The following SMCHD1 variants were observed in gnomAD, a reference collection of about 807,000 sequenced individuals.
SMCHD1 encodes the protein structural maintenance of chromosomes flexible hinge domain containing 1, also known as structural maintenance of chromosomes flexible hinge domain-containing protein 1.
SMCHD1 carries 78 observed loss-of-function variants against 254.7 expected under a neutral mutation model. The observed-to-expected ratio is 0.31, with a 90% CI of 0.26 to 0.37. SMCHD1 has a LOEUF of 0.37. Among genes scored for constraint, SMCHD1 ranks in the 10% least tolerant of loss-of-function variants. The probability of loss-of-function intolerance (pLI) is 1.00; values close to 1 mark genes in which losing one functional copy is unlikely to be tolerated. For synonymous variants in SMCHD1, 766 were observed against 794.9 expected (o/e 0.96, Z 0.61); for missense variants, 1,840 against 2,408.1 (o/e 0.76, Z 4.94).
chr18:2,673,013 T>A, intron 3 of SMCHD1: 1 of 947,108 alleles, frequency 1.1e-6, no homozygotes, highest in South Asian at 4.9e-5. Flanking sequence ...ATGTCTGTCT[T>A]TAGATTATAA....
intron 29 of SMCHD1, 148 bp from the exon 30 acceptor site, chr18:2,747,374 G>T (rs989030561): frequency 3.3e-6 from 2 of 609,582 alleles, no homozygotes; most frequent in Middle Eastern, 5.0e-4. Flanking sequence ...AATTTAGTTG[G>T]CTTTCAAAAG....
intron 45 of SMCHD1, among the ~76,000 whole-genome samples, chr18:2,792,544 G>C (rs2076185088): frequency 6.6e-6 from 1 of 152,120 alleles, no homozygotes; most frequent in African/African-American, 2.4e-5. Flanking sequence ...ATCCACTGGG[G>C]GTCTTGGAAC....
chr18:2,667,245 T>C (rs2073465551), intron 3 of SMCHD1, among the ~76,000 whole-genome samples: 3 of 152,190 alleles, frequency 2.0e-5, no homozygotes, highest in Admixed American at 1.3e-4. Context: ...GCTAACCTAC[T>C]AGTAGAACTT....
chr18:2,754,664 T>A (rs2075638353), intron 34 of SMCHD1, among the ~76,000 whole-genome samples: 1 of 152,142 alleles, frequency 6.6e-6, no homozygotes, highest in Admixed American at 6.5e-5. Flanking sequence ...GTGCAGTGGT[T>A]TAGGCAATGT....
chr18:2,766,056 C>T (rs765327800), intron 37 of SMCHD1, among the ~76,000 whole-genome samples: 12 of 149,724 alleles, frequency 8.0e-5, no homozygotes, highest in Non-Finnish European at 1.5e-4. Context: ...TGCAGTGGCG[C>T]GATTGCCCCT....
chr18:2,756,100 A>G (rs2075673299), intron 34 of SMCHD1, among the ~76,000 whole-genome samples: 1 of 152,152 alleles, frequency 6.6e-6, no homozygotes, highest in Non-Finnish European at 1.5e-5. Context: ...GCACTATGTG[A>G]TATTTTTCCT....
chr18:2,748,365 T>G (rs2075500472), intron 30 of SMCHD1, among the ~76,000 whole-genome samples: 4 of 35,238 alleles, frequency 1.1e-4, no homozygotes, highest in Admixed American at 3.7e-4. Context: ...TGTGTGTGTG[T>G]GTGTGTGTGT....
chr18:2,779,901 G>C (rs2076126172), intron 44 of SMCHD1, among the ~76,000 whole-genome samples: 4 of 152,156 alleles, frequency 2.6e-5, no homozygotes, highest in Admixed American at 2.6e-4. Context: ...GGCAGAGCTA[G>C]AACTAAACTG....
intron 3 of SMCHD1, among the ~76,000 whole-genome samples, chr18:2,670,708 C>A (rs2073569419): frequency 6.6e-6 from 1 of 151,954 alleles, no homozygotes; most frequent in Non-Finnish European, 1.5e-5. Flanking sequence ...CGAGACCATC[C>A]TGGCCAACAT....
chr18:2,667,012 T>C lies in SMCHD1; in HGVS notation c.405T>C (p.Ser135=). 1 of 1,588,574 alleles carries C rather than the reference T, an allele frequency of 6.3e-7. No individual in the cohort carries two copies. The highest frequency in any genetic ancestry group is 8.6e-7 in the Non-Finnish European group (1 of 1,165,546). ...GTGGCATGTATGAATATTATGCCAGTGAAGGACAAAATCCTTTGCGTAAGT... is the reference window on the plus strand; with the variant it reads ...GTGGCATGTATGAATATTATGCCAGCGAAGGACAAAATCCTTTGCGTAAGT... ...VKSGMYEYYA[S]EGQNPLPFAL... The change falls in exon 3 of 48, where the codon AGT becomes AGC. Residue 135 remains serine (S), a synonymous_variant. Transcript: ENST00000320876.
intron 25 of SMCHD1, among the ~76,000 whole-genome samples, chr18:2,733,391 A>G (rs544274617): frequency 5.3e-5 from 8 of 152,350 alleles, no homozygotes; most frequent in Non-Finnish European, 1.0e-4. Context: ...CATAAATACT[A>G]TAATAATATG....
At chr18:2,792,849 G>A (rs2076190667) in intron 45 of SMCHD1, among the ~76,000 whole-genome samples, 1 of 152,060 alleles carries the variant, frequency 6.6e-6, no homozygotes, top group African/African-American at 2.4e-5. Flanking sequence ...TTTGTTATGG[G>A]AATAGAGCAG....
chr18:2,728,998 C>T (rs2075083032), intron 23 of SMCHD1, among the ~76,000 whole-genome samples: 2 of 147,708 alleles, frequency 1.4e-5, no homozygotes, highest in South Asian at 4.3e-4. Context: ...AGGTAAAAGA[C>T]CGCAGAAAGA....
intron 28 of SMCHD1, among the ~76,000 whole-genome samples, chr18:2,742,445 C>T (rs917851998): frequency 6.6e-6 from 1 of 152,144 alleles, no homozygotes; most frequent in African/African-American, 2.4e-5. Context: ...TTCAGAAGAG[C>T]TATCAAATTT....
At chr18:2,694,733 A>G in intron 8 of SMCHD1, 40 bp downstream of exon 8, 1 of 1,570,944 alleles carries the variant, frequency 6.4e-7, no homozygotes, top group Non-Finnish European at 8.7e-7. Flanking sequence ...TTGCTACTTA[A>G]CTTTTTTAAG....
chr18:2,704,974 G>A (rs2074482301), intron 13 of SMCHD1, among the ~76,000 whole-genome samples: 1 of 152,162 alleles, frequency 6.6e-6, no homozygotes, highest in South Asian at 2.1e-4. Context: ...GACATCCCTA[G>A]AGCCAAGTGA....
chr18:2,660,477 T>G (rs1286738593), intron 1 of SMCHD1, among the ~76,000 whole-genome samples: 1 of 149,098 alleles, frequency 6.7e-6, no homozygotes, highest in Non-Finnish European at 1.5e-5. Context: ...CCATGGTTTT[T>G]TTTTTTTTTT....
rs372694951 is a variant in SMCHD1, at chr18:2,685,094, A to ATTTTTTT, written c.639-3299_639-3293dup. Among the ~76,000 whole-genome samples, 341 of 81,884 alleles carry ATTTTTTT rather than the reference A, an allele frequency of 4.2e-3. 51 individuals are homozygous for ATTTTTTT. The highest frequency in any genetic ancestry group is 5.4e-3 in the East Asian group (14 of 2,576). The allele number at this position is 81,884 out of a possible 152,430, so 53.7% of individuals were successfully genotyped here. A position where few individuals can be genotyped will look rare whatever the true frequency, so the allele number is the denominator to read the frequency against. On this transcript the variant is annotated intron_variant, in intron 5 of 47. Coordinates refer to ENST00000320876, the MANE Select transcript of SMCHD1 (RefSeq NM_015295.3). The stretch of plus-strand genomic sequence containing the variant: ...AGCACACTGTTCTGTTCTGTCCCTT[A>ATTTTTTT]TTTTTTTCTTTTTTTTTTTTTTTTG...
rs770559668 is a variant in SMCHD1 at position 2,763,803 on chromosome 18, A to G, written c.4719+14A>G. The G allele has an allele frequency of 1.9e-5, 30 of 1,601,726 alleles. No homozygotes were observed. The East Asian group carries it at 5.9e-4, about 31-fold the overall frequency. ...GCTGAAATCATGGTAAATTTTTTAT[A>G]TCTTTTGGTAGATAGAATTTCTGTA... On this transcript the variant is annotated intron_variant, in intron 37 of 47. Transcript: ENST00000320876.
Sources: allele counts gnomAD v4.1 joint callset (sites outside exome capture counted in the v4.1 genomes callset), GRCh38; gene constraint gnomAD v4.1.1; transcripts MANE v1.5; gene names NCBI Gene and HGNC (gene_info 2026-07-23, HGNC 2026-07-21).